CNOT6: variants seen among roughly 807,000 people sequenced by gnomAD.
The protein encoded by CNOT6 is carbon catabolite repression 4 protein.
CNOT6 carries 12 observed loss-of-function variants against 61.2 expected under a neutral mutation model. That is an observed-to-expected ratio of 0.20 (90% CI 0.13 to 0.32). CNOT6 has a LOEUF of 0.32. Ranked by LOEUF, CNOT6 falls within the 10% of genes least tolerant of loss-of-function variation. The probability of loss-of-function intolerance (pLI) is 1.00; values close to 1 mark genes in which losing one functional copy is unlikely to be tolerated. For missense variants in CNOT6, 405 were observed against 663.9 expected, an observed-to-expected ratio of 0.61 and a Z score of 4.28; for synonymous variants, 225 against 240.6, an observed-to-expected ratio of 0.94 and a Z score of 0.60.
In CNOT6 at chr5:180,577,950, AAATT is replaced by A. The variant is rs1293886283; in HGVS notation, c.*3751_*3754del. 2 of 152,628 alleles carry A rather than the reference AAATT, an allele frequency of 1.3e-5. No individual in the cohort carries two copies. Among genetic ancestry groups the A allele is most frequent in the Non-Finnish European group, 2.9e-5 (2 of 68,034 alleles). The allele number at this position is 152,628 out of a possible 1,614,324, so 9.5% of individuals were successfully genotyped here. ...ATTTTCCTACTCATAGCCAACCAAT[AAATT>A]CAGTATCTGTTTCAAATATTTTAGA... is the stretch of plus-strand genomic sequence containing the variant. On this transcript the variant is annotated 3_prime_UTR_variant, in exon 12 of 12. Transcript: ENST00000261951.
chr5:180,557,831 A>G (rs906754695), intron 4 of CNOT6, among the ~76,000 whole-genome samples: 4 of 152,162 alleles, frequency 2.6e-5, no homozygotes, highest in African/African-American at 9.7e-5. Flanking sequence ...TTATGGTCTT[A>G]TGTTACATTT....
At chr5:180,554,802 A>AT (rs1047995646) in intron 4 of CNOT6, among the ~76,000 whole-genome samples, 16 of 152,236 alleles carry the variant, frequency 1.1e-4, no homozygotes, top group African/African-American at 3.9e-4. Flanking sequence ...TTTGTGTATA[A>AT]TTTTTTTAAT....
At chr5:180,521,169 G>A (rs1478544729) in intron 1 of CNOT6, among the ~76,000 whole-genome samples, 1 of 152,166 alleles carries the variant, frequency 6.6e-6, no homozygotes, top group African/African-American at 2.4e-5. Flanking sequence ...TGGTAGTCAT[G>A]AAGTTTTTGT....
intron 1 of CNOT6, among the ~76,000 whole-genome samples, chr5:180,525,302 T>C (rs1204534668): frequency 1.3e-5 from 2 of 152,122 alleles, no homozygotes; most frequent in Non-Finnish European, 2.9e-5. Context: ...TTTGGGAGGC[T>C]GAGGCAGGTG....
In CNOT6 at chr5:180,568,823, A is replaced by G. The variant is rs143850863; in HGVS notation, c.1028-287A>G. Among the ~76,000 whole-genome samples, 823 of 152,330 alleles carry G rather than the reference A, an allele frequency of 5.4e-3. 11 individuals carry two copies. The highest frequency in any genetic ancestry group is 0.019 in the African/African-American group (783 of 41,570). ...TTGTGAGGCTCGATTTAGGACATCC[A>G]AACTAAGACCAAAAGTTTCAGGGAG... On this transcript the variant is annotated intron_variant, in intron 9 of 11. Coordinates refer to ENST00000261951, the MANE Select transcript of CNOT6 (RefSeq NM_001370472.1).
At chr5:180,551,438 A>G (rs965570578) in intron 3 of CNOT6, among the ~76,000 whole-genome samples, 5 of 152,118 alleles carry the variant, frequency 3.3e-5, no homozygotes, top group African/African-American at 7.2e-5. Flanking sequence ...GGGTCTCACT[A>G]TGTTGCCCAG....
At chr5:180,561,831 T>A (rs1760206285) in intron 4 of CNOT6, among the ~76,000 whole-genome samples, 1 of 152,188 alleles carries the variant, frequency 6.6e-6, no homozygotes. Flanking sequence ...GTCTTGACTC[T>A]CCTTGGCCTC....
chr5:180,529,924 C>G (rs1758276111), intron 2 of CNOT6, among the ~76,000 whole-genome samples: 1 of 152,212 alleles, frequency 6.6e-6, no homozygotes, highest in Non-Finnish European at 1.5e-5. Context: ...ATTTCCCTTC[C>G]CCTTTTAATG....
intron 2 of CNOT6, among the ~76,000 whole-genome samples, chr5:180,539,492 T>G (rs1340600999): frequency 6.6e-6 from 1 of 151,022 alleles, no homozygotes; most frequent in African/African-American, 2.4e-5. Flanking sequence ...TGGAGTATGC[T>G]TTTATAGCAA....
intron 4 of CNOT6, 41 bp downstream of exon 4, chr5:180,553,512 T>A: frequency 6.8e-7 from 1 of 1,471,104 alleles, no homozygotes; most frequent in Non-Finnish European, 9.4e-7. Context: ...TTTGTGTATA[T>A]GTCTTTGAAT....
chr5:180,553,418 T>G lies in CNOT6; in HGVS notation c.332T>G (p.Val111Gly). The change falls in exon 4 of 12, where the codon GTT becomes GGT. Residue 111 changes from valine (V) to glycine (G), a missense_variant. By Grantham distance (109) the Val-to-Gly change is moderately radical. This residue lies in a region of CNOT6 where 212 missense variants were observed against 307.1 expected (regional missense o/e 0.69). Transcript: ENST00000261951. ...CATTTAAATAACAACCTGTTACGAG[T>G]TCTACCTTTTGAGCTGGGAAAACTG... ...ELHLNNNLLR[V>G]LPFELGKLFQ... 1 of 1,613,982 alleles carries G rather than the reference T, an allele frequency of 6.2e-7. No homozygotes were observed. The highest frequency in any genetic ancestry group is 8.5e-7 in the Non-Finnish European group (1 of 1,179,948).
chr5:180,569,864 C>T lies in CNOT6; in HGVS notation c.1258+524C>T, dbSNP rs144079900. Among the ~76,000 whole-genome samples the T allele has an allele frequency of 4.8e-3, 726 of 152,238 alleles. 6 individuals are homozygous for T. Among genetic ancestry groups the T allele is most frequent in the African/African-American group, 0.016 (685 of 41,548 alleles). ...TTATTAAAATGTAGAATACAGAAAGCCTGATCTGGAGCGCTCTTTCCGTGG... is the reference window on the plus strand; with the variant it reads ...TTATTAAAATGTAGAATACAGAAAGTCTGATCTGGAGCGCTCTTTCCGTGG... On this transcript the variant is annotated intron_variant, in intron 10 of 11. Coordinates refer to ENST00000261951, the MANE Select transcript of CNOT6 (RefSeq NM_001370472.1).
At chr5:180,515,364 A>G (rs936539747) in intron 1 of CNOT6, among the ~76,000 whole-genome samples, 10 of 152,160 alleles carry the variant, frequency 6.6e-5, no homozygotes, top group African/African-American at 2.4e-4. Context: ...TGACAGCGAG[A>G]CATTGTCTCA....
rs555961597 is a variant in CNOT6, at chr5:180,538,702, A to G, written c.112+9314A>G. ...GAGAAAAAGGTATATATATATATAT[A>G]TATATATATATATACAAAAAAATTA... On this transcript the variant is annotated intron_variant, in intron 2 of 11. Coordinates refer to ENST00000261951, the MANE Select transcript of CNOT6 (RefSeq NM_001370472.1). Among the ~76,000 whole-genome samples, 1,273 of 139,176 alleles carry G rather than the reference A, an allele frequency of 9.1e-3. 26 individuals are homozygous for G. Among genetic ancestry groups the G allele is most frequent in the African/African-American group, 0.037 (1,203 of 32,686 alleles). 91.3% of individuals were successfully genotyped at this position (139,176 alleles called of 152,430 possible). A position where few individuals can be genotyped will look rare whatever the true frequency, so the allele number is the denominator to read the frequency against.
chr5:180,559,334 T>C (rs1196195997), intron 4 of CNOT6, among the ~76,000 whole-genome samples: 2 of 152,244 alleles, frequency 1.3e-5, no homozygotes, highest in Admixed American at 1.3e-4. Context: ...TCTTGAGGGA[T>C]TGAGCCTTTA....
In CNOT6 at chr5:180,574,133, C is replaced by T; in HGVS notation, c.1607C>T (p.Ala536Val). Residue 536 changes from alanine (A) to valine (V), a missense_variant, in exon 12 of 12, where the codon GCA (alanine) becomes GTA (valine). This residue lies in a region of CNOT6 where 52 missense variants were observed against 69.3 expected (regional missense o/e 0.75). Transcript: ENST00000261951. Reference sequence around the variant, plus strand: ...CCCTCTGACCACTTCTCACTTTTTGCACAACTGGAGCTCTTACTGCCTTTC... The same window carrying T: ...CCCTCTGACCACTTCTCACTTTTTGTACAACTGGAGCTCTTACTGCCTTTC... ...LIPSDHFSLF[A>V]QLELLLPFLP... The T allele has an allele frequency of 1.9e-6, 3 of 1,614,124 alleles. No individual in the cohort carries two copies. Among genetic ancestry groups the T allele is most frequent in the East Asian group, 2.2e-5 (1 of 44,884 alleles).
At chr5:180,535,156 C>T (rs1394154825) in intron 2 of CNOT6, among the ~76,000 whole-genome samples, 1 of 152,266 alleles carries the variant, frequency 6.6e-6, no homozygotes, top group Non-Finnish European at 1.5e-5. Context: ...ACTGCACACC[C>T]AGCCATCTGG....
chr5:180,562,398 A>G (rs1760232438), intron 4 of CNOT6, among the ~76,000 whole-genome samples: 1 of 152,116 alleles, frequency 6.6e-6, no homozygotes. Flanking sequence ...TTATTCATAT[A>G]TATTGTTTTC....
chr5:180,538,685 G>GATATATATATATATATAT (rs1758843740), intron 2 of CNOT6, among the ~76,000 whole-genome samples: 1 of 84,244 alleles, frequency 1.2e-5, no homozygotes, highest in Non-Finnish European at 2.2e-5. Flanking sequence ...CTGAGAAAAA[G>GATATATATATATATATAT]GTATATATAT....
Sources: gnomAD v4.1 joint callset for allele counts (sites outside exome capture counted in the v4.1 genomes callset) on GRCh38, gnomAD v4.1.1 for gene constraint, gnomAD v4.1.1 regional missense constraint, MANE v1.5 for transcripts, NCBI Gene and HGNC (gene_info 2026-07-23, HGNC 2026-07-21) for gene names.